NTMT1: variants seen among roughly 807,000 people sequenced by gnomAD.
The protein encoded by NTMT1 is N-terminal RCC1 methyltransferase.
Under a neutral mutation model 17.5 loss-of-function variants are expected in NTMT1, and 8 were observed. That is an observed-to-expected ratio of 0.46 (90% CI 0.27 to 0.82). The LOEUF is 0.82. NTMT1 is among the 40% of genes least tolerant of loss of function. NTMT1 has a pLI of 0.15. For synonymous variants in NTMT1, 128 were observed against 126.8 expected (o/e 1.01, Z -0.06); for missense variants, 221 against 303.5 (o/e 0.73, Z 2.02).
At position 129,613,547 on chromosome 9, in the gene NTMT1, C is replaced by T. The variant is rs547056212; in HGVS notation, c.-55+4369C>T. The T allele has an allele frequency of 2.1e-5, 34 of 1,614,142 alleles. 1 individual carries two copies. The East Asian group carries it at 3.8e-4, about 18-fold the overall frequency. Reference sequence around the variant, plus strand: ...TTTCCGACACTCCCAAACACCCGCTCGGACGCCACTGGCAGGGCGGCCTTC... The same window carrying T: ...TTTCCGACACTCCCAAACACCCGCTTGGACGCCACTGGCAGGGCGGCCTTC... On this transcript the variant is annotated intron_variant, in intron 1 of 3. Coordinates refer to the NTMT1 transcript ENST00000372486. This position sits in a 1 kb window ranked among gnomAD's most constrained non-coding sequence, Gnocchi z 6.2.
intron 1 of NTMT1, chr9:129,626,648 G>T (rs1830913302): frequency 6.6e-6 from 1 of 152,280 alleles, no homozygotes; most frequent in Non-Finnish European, 1.5e-5. Flanking sequence ...TTGGAGGATG[G>T]ATGGGAGGAA....
intron 1 of NTMT1, among the ~76,000 whole-genome samples, chr9:129,618,952 G>C (rs542884680): frequency 6.7e-6 from 1 of 149,644 alleles, no homozygotes; most frequent in Non-Finnish European, 1.5e-5. Context: ...CTAACCTCGT[G>C]ATCCGCCCAC....
chr9:129,634,983 A>G (rs1320521404), intron 3 of NTMT1: 3 of 567,596 alleles, frequency 5.3e-6, no homozygotes, highest in Non-Finnish European at 9.3e-6. Context: ...GTCAAGTCAA[A>G]TTCTGGCTTA....
rs1043002941 is a variant in NTMT1 at position 129,614,630 on chromosome 9, G to A, written c.-55+5452G>A. Among the ~76,000 whole-genome samples, 16 of 152,306 alleles carry A rather than the reference G, an allele frequency of 1.1e-4. No individual in the cohort carries two copies. The highest frequency in any genetic ancestry group is 4.4e-5 in the Non-Finnish European group (3 of 68,028). ...GAAAATTCACTGGGAATGGCCAGGC[G>A]CGGTGGCTCATGCCTGTAATCCCAG... On this transcript the variant is annotated intron_variant, in intron 1 of 3. Coordinates refer to the NTMT1 transcript ENST00000372486. This position sits in a 1 kb window ranked among gnomAD's most constrained non-coding sequence, Gnocchi z 4.4.
rs1831233984 is a variant in NTMT1, at chr9:129,632,723, A to G, written c.20A>G (p.Glu7Gly). The G allele has an allele frequency of 1.2e-6, 2 of 1,614,102 alleles. No homozygotes were observed. The highest frequency in any genetic ancestry group is 8.5e-7 in the Non-Finnish European group (1 of 1,179,990). The change falls in exon 2 of 4, where the codon GAA (glutamate) becomes GGA (glycine). Residue 7 changes from glutamate to glycine, a missense_variant. Physicochemically the swap from Glu to Gly is moderately conservative, Grantham distance 98. Coordinates refer to ENST00000372483, the MANE Select transcript of NTMT1 (RefSeq NM_014064.4). MTSEVI[E>G]DEKQFYSKAK... ...GACAGCATGACGAGCGAGGTGATAGAAGACGAGAAGCAATTCTATTCCAAG... is the reference window on the plus strand; with the variant it reads ...GACAGCATGACGAGCGAGGTGATAGGAGACGAGAAGCAATTCTATTCCAAG...
chr9:129,613,134 G>A lies in NTMT1; in HGVS notation c.-55+3956G>A, dbSNP rs1016248225. ...GCTCCAGGTTTCTGTGCGGGTCCAA[G>A]AAGGCTCGGAGGCTGCTTCGCGGCC... On this transcript the variant is annotated intron_variant, in intron 1 of 3. Coordinates refer to the NTMT1 transcript ENST00000372486. The surrounding 1 kb of genome is among the most constrained non-coding windows in gnomAD (Gnocchi z 6.2). The A allele has an allele frequency of 1.2e-6, 2 of 1,613,948 alleles. No individual in the cohort carries two copies. The highest frequency in any genetic ancestry group is 1.7e-5 in the Admixed American group (1 of 60,022).
upstream of NTMT1, among the ~76,000 whole-genome samples, chr9:129,623,725 T>TGG (rs1468452784): frequency 6.7e-6 from 1 of 149,828 alleles, no homozygotes; most frequent in East Asian, 2.0e-4. Context: ...CAATATTGAG[T>TGG]GGGGGAGGGA....
chr9:129,634,359 G>T, intron 3 of NTMT1, 53 bp downstream of exon 3: 1 of 1,545,538 alleles, frequency 6.5e-7, no homozygotes, highest in Non-Finnish European at 8.7e-7. Context: ...TGCCACTCGC[G>T]TTCCCCATAA....
chr9:129,633,973 C>CT lies in NTMT1; in HGVS notation c.163-80dup, dbSNP rs1294732194. On this transcript the variant is annotated intron_variant, in intron 2 of 3. Coordinates refer to ENST00000372483, the MANE Select transcript of NTMT1 (RefSeq NM_014064.4). Reference sequence around the variant, plus strand: ...GGAGTCCTGGAATCCTGACTTGAGTCTAAGTCCTAGGGCTCGTGAGGAAGG... The same window carrying CT: ...GGAGTCCTGGAATCCTGACTTGAGTCTTAAGTCCTAGGGCTCGTGAGGAAGG... 8 of 1,481,794 alleles carry CT rather than the reference C, an allele frequency of 5.4e-6. No individual in the cohort carries two copies. The African/African-American group carries it at 7.0e-5, about 13-fold the overall frequency. The allele number at this position is 1,481,794 out of a possible 1,614,324, so 91.8% of individuals were successfully genotyped here. A position where few individuals can be genotyped will look rare whatever the true frequency, so the allele number is the denominator to read the frequency against.
In NTMT1 at chr9:129,620,213, G is replaced by A. The variant is rs369716188; in HGVS notation, c.-55+11035G>A. 22 of 1,376,704 alleles carry A rather than the reference G, an allele frequency of 1.6e-5. 1 individual carries two copies. The East Asian group carries it at 3.2e-4, about 20-fold the overall frequency. The allele number at this position is 1,376,704 out of a possible 1,614,324, so 85.3% of individuals were successfully genotyped here. A position where few individuals can be genotyped will look rare whatever the true frequency, so the allele number is the denominator to read the frequency against. On this transcript the variant is annotated intron_variant, in intron 1 of 3. Transcript: ENST00000372486. This position sits in a 1 kb window ranked among gnomAD's most constrained non-coding sequence, Gnocchi z 5.8. ...CCTCCGGGGGCGCTCGCGCTCTCCA[G>A]GCCCTGGCTGCCTGGGCGCCGATTC...
chr9:129,610,400 C>T (rs1487018599), intron 1 of NTMT1, among the ~76,000 whole-genome samples: 4 of 151,844 alleles, frequency 2.6e-5, no homozygotes, highest in Non-Finnish European at 5.9e-5. Flanking sequence ...ACGCGGACTC[C>T]GGCTTCAGTG....
At chr9:129,619,840 G>A (rs1588123925) in intron 1 of NTMT1, 2 of 1,613,530 alleles carry the variant, frequency 1.2e-6, no homozygotes, top group Non-Finnish European at 8.5e-7. Context: ...GCTGGAGCCA[G>A]GAGGAAACAG....
At chr9:129,634,359 G>A (rs1025380541) in intron 3 of NTMT1, 53 bp downstream of exon 3, 36 of 1,545,420 alleles carry the variant, frequency 2.3e-5, no homozygotes, top group Middle Eastern at 1.7e-4. Flanking sequence ...TGCCACTCGC[G>A]TTCCCCATAA....
intron 1 of NTMT1, among the ~76,000 whole-genome samples, chr9:129,628,910 A>AG (rs1831015199): frequency 1.3e-5 from 2 of 152,224 alleles, no homozygotes. Context: ...GGGCGGTGAG[A>AG]GGGAGACAGG....
At chr9:129,621,497 C>T (rs1830710766), upstream of NTMT1, among the ~76,000 whole-genome samples, 1 of 152,228 alleles carries the variant, frequency 6.6e-6, no homozygotes, top group Non-Finnish European at 1.5e-5. Flanking sequence ...GCTGGGACTA[C>T]AGGCACACAC....
chr9:129,635,085 C>T, intron 3 of NTMT1, 123 bp from the exon 4 acceptor site: 3 of 1,126,308 alleles, frequency 2.7e-6, no homozygotes, highest in Admixed American at 2.1e-5. Flanking sequence ...GCCAATGAGG[C>T]CATGTGTGCA....
intron 1 of NTMT1, chr9:129,615,503 G>T: frequency 6.2e-7 from 1 of 1,603,820 alleles, no homozygotes; most frequent in South Asian, 1.1e-5. Context: ...TGCGCTCCCA[G>T]TAGCGGAGCG....
chr9:129,618,717 G>A (rs1206526744), intron 1 of NTMT1, among the ~76,000 whole-genome samples: 1 of 151,634 alleles, frequency 6.6e-6, no homozygotes, highest in Admixed American at 6.6e-5. Flanking sequence ...ATTTGAGATG[G>A]AGTCTCACTC....
chr9:129,624,839 G>A (rs1830842815), upstream of NTMT1, among the ~76,000 whole-genome samples: 1 of 152,170 alleles, frequency 6.6e-6, no homozygotes, highest in South Asian at 2.1e-4. Flanking sequence ...TGTTGGCCAG[G>A]CTGGTCTCAA....
Sources: gnomAD v4.1 joint callset for allele counts (sites outside exome capture counted in the v4.1 genomes callset) on GRCh38, gnomAD v4.1.1 for gene constraint, Gnocchi (gnomAD v3.1) non-coding constraint, MANE v1.5 for transcripts, NCBI Gene and HGNC (gene_info 2026-07-23, HGNC 2026-07-21) for gene names.